The following DRC9 variants were observed in gnomAD, a reference collection of about 807,000 sequenced individuals.
DRC9 encodes the protein dynein regulatory complex protein 9.
chr3:197,935,931 T>G, the DRC9 span, among the ~76,000 whole-genome samples: 1 of 152,146 alleles, frequency 6.6e-6, no homozygotes, highest in Non-Finnish European at 1.5e-5. Flanking sequence ...GATTTAGAAT[T>G]GCAAATAAAA....
At chr3:197,954,299 T>G in the DRC9 span, 1 of 777,658 alleles carries the variant, frequency 1.3e-6, no homozygotes, top group Middle Eastern at 2.3e-4. Flanking sequence ...GGAGAGATAG[T>G]AATTGAAAGA....
At chr3:197,930,478 C>T in the DRC9 span, among the ~76,000 whole-genome samples, 3 of 151,182 alleles carry the variant, frequency 2.0e-5, no homozygotes, top group East Asian at 2.0e-4. Context: ...ACTTTGATTA[C>T]AGGCATGATC....
the DRC9 span, among the ~76,000 whole-genome samples, chr3:197,922,524 G>A: frequency 1.3e-5 from 2 of 151,954 alleles, no homozygotes; most frequent in South Asian, 2.1e-4. Flanking sequence ...TGGCCAATAT[G>A]GTGAAACCCC....
the DRC9 span, among the ~76,000 whole-genome samples, chr3:197,894,873 G>A: frequency 6.6e-6 from 1 of 152,130 alleles, no homozygotes; most frequent in Non-Finnish European, 1.5e-5. Flanking sequence ...AGGCCACCCT[G>A]AGCAACATAG....
the DRC9 span, among the ~76,000 whole-genome samples, chr3:197,904,754 G>A: frequency 6.6e-6 from 1 of 152,146 alleles, no homozygotes; most frequent in Admixed American, 6.5e-5. Context: ...CAGCTACTCG[G>A]GAGGCTGAGG....
chr3:197,891,504 T>C, the DRC9 span: 1 of 1,605,806 alleles, frequency 6.2e-7, no homozygotes, highest in African/African-American at 1.3e-5. Flanking sequence ...GCTCCTCTCC[T>C]TTTCTATACG....
At chr3:197,912,433 C>G in the DRC9 span, 5 of 429,938 alleles carry the variant, frequency 1.2e-5, no homozygotes, top group Non-Finnish European at 1.7e-5. Flanking sequence ...ATATAGAAAT[C>G]GAAAAATTTC....
At chr3:197,906,135 C>CA in the DRC9 span, among the ~76,000 whole-genome samples, 1 of 152,088 alleles carries the variant, frequency 6.6e-6, no homozygotes, top group Non-Finnish European at 1.5e-5. Context: ...TGCCAGCTGA[C>CA]AAAATGCTAA....
the DRC9 span, chr3:197,950,308 C>T: frequency 2.4e-6 from 3 of 1,229,744 alleles, no homozygotes; most frequent in Non-Finnish European, 3.0e-6. Context: ...CGGTGCGTAT[C>T]GGAGTCTCTG....
the DRC9 span, among the ~76,000 whole-genome samples, chr3:197,948,947 A>G: frequency 6.6e-6 from 1 of 152,196 alleles, no homozygotes; most frequent in Non-Finnish European, 1.5e-5. Flanking sequence ...CTTTCAACAC[A>G]GTGACTTTGT....
At chr3:197,945,504 G>T in the DRC9 span, 1 of 692,976 alleles carries the variant, frequency 1.4e-6, no homozygotes, top group Non-Finnish European at 2.5e-6. Flanking sequence ...TATATTTTAA[G>T]TCACTAAGTT....
the DRC9 span, among the ~76,000 whole-genome samples, chr3:197,920,417 C>A: frequency 1.4e-5 from 2 of 144,194 alleles, no homozygotes; most frequent in Non-Finnish European, 3.0e-5. Context: ...GAGAACCCCC[C>A]CATCTCAATT....
chr3:197,946,494 C>T, the DRC9 span, among the ~76,000 whole-genome samples: 2 of 150,418 alleles, frequency 1.3e-5, no homozygotes, highest in Non-Finnish European at 3.0e-5. Context: ...TTTAACATTG[C>T]TATCAAGATG....
chr3:197,952,084 T>C, the DRC9 span, among the ~76,000 whole-genome samples: 3 of 151,932 alleles, frequency 2.0e-5, no homozygotes, highest in Non-Finnish European at 4.4e-5. Context: ...ATTTTTTTTC[T>C]CGGCTCCTTT....
At chr3:197,947,958 G>T in the DRC9 span, among the ~76,000 whole-genome samples, 1 of 124,154 alleles carries the variant, frequency 8.1e-6, no homozygotes. Flanking sequence ...TTTTTGAGAC[G>T]GTCTCACTCT....
At chr3:197,934,386 T>C in the DRC9 span, among the ~76,000 whole-genome samples, 14 of 152,074 alleles carry the variant, frequency 9.2e-5, no homozygotes, top group African/African-American at 2.7e-4. Context: ...GGTTTCACCA[T>C]GTTGACCAGG....
At chr3:197,913,357 C>CGTGCGTGTGTGCGTGCGTGCGTGT in the DRC9 span, 188 of 224,172 alleles carry the variant, frequency 8.4e-4, 2 homozygotes, top group East Asian at 2.6e-3. Context: ...TGTGTGCGTG[C>CGTGCGTGTGTGCGTGCGTGCGTGT]GTGCGTGTGT....
At chr3:197,907,231 T>G in the DRC9 span, among the ~76,000 whole-genome samples, 1 of 152,204 alleles carries the variant, frequency 6.6e-6, no homozygotes, top group Admixed American at 6.5e-5. Context: ...AGTAAAGAAG[T>G]GTCTTCTGGG....
chr3:197,914,627 A>G, the DRC9 span, among the ~76,000 whole-genome samples: 4 of 152,020 alleles, frequency 2.6e-5, no homozygotes, highest in African/African-American at 9.7e-5. Context: ...GTGGAGATCT[A>G]AACAGACATA....
Sources: allele counts gnomAD v4.1 joint callset (sites outside exome capture counted in the v4.1 genomes callset), GRCh38; gene constraint gnomAD v4.1.1; transcripts MANE v1.5; gene names NCBI Gene and HGNC (gene_info 2026-07-23, HGNC 2026-07-21).